TSPAN14: variants seen among roughly 807,000 people sequenced by gnomAD.
The protein encoded by TSPAN14 is tetraspanin-14.
TSPAN14 carries 16 observed loss-of-function variants against 36.6 expected under a neutral mutation model. The ratio of observed to expected loss-of-function variants is 0.44; its 90% CI spans 0.30 to 0.66. TSPAN14 has a LOEUF of 0.66. Ranked by LOEUF, TSPAN14 falls within the 30% of genes least tolerant of loss-of-function variation. The pLI is 0.12. For missense variants in TSPAN14, 231 were observed against 355.1 expected (o/e 0.65, Z 2.81); for synonymous variants, 139 against 143.8 (o/e 0.97, Z 0.24).
At chr10:80,473,413 T>C (rs1344986864) in intron 1 of TSPAN14, among the ~76,000 whole-genome samples, 2 of 152,302 alleles carry the variant, frequency 1.3e-5, no homozygotes, top group Non-Finnish European at 2.9e-5. Context: ...ACTGAGACCC[T>C]CAGACCCTTT....
At chr10:80,507,752 T>C (rs1356776753) in intron 4 of TSPAN14, among the ~76,000 whole-genome samples, 1 of 152,240 alleles carries the variant, frequency 6.6e-6, no homozygotes, top group Admixed American at 6.5e-5. Flanking sequence ...ATTTCCCTCC[T>C]CCAAGGATGT....
At chr10:80,520,323 A>G in exon 9 of TSPAN14, 2 of 327,162 alleles carry the variant, frequency 6.1e-6, no homozygotes, top group Non-Finnish European at 1.2e-5. Context: ...TCTCAGCCAT[A>G]TCATGTGACT....
intron 7 of TSPAN14, 70 bp from the exon 8 acceptor site, chr10:80,516,134 G>C (rs1328694042): frequency 2.5e-6 from 4 of 1,608,566 alleles, no homozygotes; most frequent in Non-Finnish European, 3.4e-6. Context: ...CCTTACCAGA[G>C]CTCACTAGGG....
At chr10:80,489,053 T>A (rs1441800634) in intron 1 of TSPAN14, among the ~76,000 whole-genome samples, 164 bp from the exon 2 acceptor site, 1 of 152,200 alleles carries the variant, frequency 6.6e-6, no homozygotes, top group Non-Finnish European at 1.5e-5. Context: ...TAACCTGAGT[T>A]TTGCATTACC....
chr10:80,504,368 C>A (rs954409844), intron 2 of TSPAN14, among the ~76,000 whole-genome samples: 7 of 152,180 alleles, frequency 4.6e-5, no homozygotes, highest in Admixed American at 1.3e-4. Context: ...TCAGCCCTCC[C>A]AAGGGGTGAT....
chr10:80,516,279 AT>A lies in TSPAN14; in HGVS notation c.700del (p.Tyr234ThrfsTer24), dbSNP rs745725536. The A allele has an allele frequency of 6.2e-7, 1 of 1,614,198 alleles. No individual in the cohort carries two copies. Among genetic ancestry groups the A allele is most frequent in the Non-Finnish European group, 8.5e-7 (1 of 1,180,042 alleles). On this transcript the variant is annotated frameshift_variant, in exon 8 of 9. Coordinates refer to ENST00000429989, the Ensembl canonical transcript of TSPAN14. LOFTEE classifies it high-confidence loss of function. Reference sequence around the variant, plus strand: ...GCTGGAAAGCTGGCTCCCGCGGAACATTTACATTGTGGCTGGCGTCTTCATC... The same window carrying A: ...GCTGGAAAGCTGGCTCCCGCGGAACATTACATTGTGGCTGGCGTCTTCATC...
intron 6 of TSPAN14, among the ~76,000 whole-genome samples, chr10:80,513,249 G>A (rs914901006): frequency 3.3e-5 from 5 of 151,970 alleles, no homozygotes; most frequent in Non-Finnish European, 7.4e-5. Context: ...ACGTCCTTGG[G>A]TTCCAGAAGC....
intron 1 of TSPAN14, among the ~76,000 whole-genome samples, chr10:80,471,310 A>G (rs1283798481): frequency 2.0e-5 from 3 of 152,014 alleles, no homozygotes; most frequent in Admixed American, 6.6e-5. Flanking sequence ...GAGCCTGTGC[A>G]CTGATGGATT....
chr10:80,521,863 G>C (rs1289265838), exon 9 of TSPAN14: 1 of 148,618 alleles, frequency 6.7e-6, no homozygotes. Context: ...GGCGGAGCTT[G>C]CAGTGAGCCG....
chr10:80,469,942 A>T (rs1589242773), intron 1 of TSPAN14, among the ~76,000 whole-genome samples: 1 of 151,998 alleles, frequency 6.6e-6, no homozygotes, highest in Admixed American at 6.6e-5. Flanking sequence ...TCTCCAAGGG[A>T]GATTGGTTTT....
chr10:80,462,923 C>T (rs758034917), intron 1 of TSPAN14, among the ~76,000 whole-genome samples: 39 of 152,142 alleles, frequency 2.6e-4, no homozygotes, highest in Non-Finnish European at 1.2e-4. Context: ...TGTGGATGCC[C>T]GGGATGCCTG....
chr10:80,473,047 T>C (rs977844765), intron 1 of TSPAN14, among the ~76,000 whole-genome samples: 2 of 152,190 alleles, frequency 1.3e-5, no homozygotes, highest in African/African-American at 4.8e-5. Flanking sequence ...CACCTGAAGA[T>C]AAAAGTGTCC....
rs574386014 is a variant in TSPAN14, at chr10:80,481,134, T to A, written c.-17-8083T>A. Among the ~76,000 whole-genome samples, 209 of 151,760 alleles carry A rather than the reference T, an allele frequency of 1.4e-3. 1 individual carries two copies. Among genetic ancestry groups the A allele is most frequent in the African/African-American group, 4.8e-3 (199 of 41,380 alleles). On this transcript the variant is annotated intron_variant, in intron 1 of 8. Coordinates refer to ENST00000429989, the Ensembl canonical transcript of TSPAN14. The stretch of plus-strand genomic sequence containing the variant: ...AAAAAGAGTGAAGGTAGAAAAAAAA[T>A]GTTTCAGACATACTGGATGTGAAAA...
chr10:80,481,471 A>T (rs2131994837), intron 1 of TSPAN14, among the ~76,000 whole-genome samples: 1 of 152,308 alleles, frequency 6.6e-6, no homozygotes, highest in African/African-American at 2.4e-5. Flanking sequence ...GCTCACTCTG[A>T]TAGCTCACAT....
At chr10:80,487,001 T>C (rs1246614835) in intron 1 of TSPAN14, among the ~76,000 whole-genome samples, 2 of 152,284 alleles carry the variant, frequency 1.3e-5, no homozygotes, top group Non-Finnish European at 2.9e-5. Flanking sequence ...GCAGGAGGAT[T>C]GCTTAAGGCC....
At chr10:80,472,054 C>G (rs1169371187) in intron 1 of TSPAN14, among the ~76,000 whole-genome samples, 1 of 152,144 alleles carries the variant, frequency 6.6e-6, no homozygotes, top group Non-Finnish European at 1.5e-5. Context: ...AGGAGGATCA[C>G]TTGAGCCCAG....
exon 9 of TSPAN14, chr10:80,520,966 C>G (rs1841241380): frequency 2.8e-5 from 12 of 429,408 alleles, no homozygotes; most frequent in South Asian, 2.0e-4. Flanking sequence ...ATCCCACTAC[C>G]CACAGGGCAG....
At chr10:80,461,314 G>A (rs973409242) in intron 1 of TSPAN14, among the ~76,000 whole-genome samples, 1 of 152,200 alleles carries the variant, frequency 6.6e-6, no homozygotes, top group Admixed American at 6.5e-5. Context: ...TGTGGATGGG[G>A]CCTTCCCTCC....
intron 8 of TSPAN14, 78 bp from the exon 9 acceptor site, chr10:80,517,827 C>A: frequency 7.0e-7 from 1 of 1,438,594 alleles, no homozygotes; most frequent in Non-Finnish European, 9.6e-7. Context: ...GTGGGAGCTC[C>A]CAACCCCACC....
Sources: allele counts gnomAD v4.1 joint callset (sites outside exome capture counted in the v4.1 genomes callset), GRCh38; gene constraint gnomAD v4.1.1; transcripts MANE v1.5; gene names NCBI Gene and HGNC (gene_info 2026-07-23, HGNC 2026-07-21).